Variants in NPTN observed in about 807,000 individuals in gnomAD.
The protein encoded by NPTN is neuroplastin, also known as SDR-1.
Under a neutral mutation model 42.7 loss-of-function variants are expected in NPTN, and 5 were observed. The observed-to-expected ratio is 0.12, with a 90% CI of 0.06 to 0.25. The LOEUF (loss-of-function observed/expected upper bound fraction) is 0.25, where lower values mean the gene tolerates loss of function less well. NPTN is among the 10% of genes least tolerant of loss of function. The pLI, the probability that NPTN is intolerant of heterozygous loss-of-function variation, is 1.00. For missense variants in NPTN, 307 were observed against 525.4 expected (o/e 0.58, Z 4.06); for synonymous variants, 180 against 201.9 (o/e 0.89, Z 0.92).
intron 5 of NPTN, among the ~76,000 whole-genome samples, chr15:73,571,891 C>G (rs1348800468): frequency 6.6e-6 from 1 of 152,166 alleles, no homozygotes; most frequent in South Asian, 2.1e-4. Context: ...GTCTGTGATG[C>G]CTCAAGCTTC....
Position 73,560,017 on chromosome 15 carries a change from C to A in NPTN, c.*1046G>T. The A allele has an allele frequency of 9.0e-7, 1 of 1,109,870 alleles. No homozygotes were observed. The allele number at this position is 1,109,870 out of a possible 1,614,324, so 68.8% of individuals were successfully genotyped here. On this transcript the variant is annotated 3_prime_UTR_variant, in exon 9 of 9. Coordinates refer to ENST00000345330, the MANE Select transcript of NPTN (RefSeq NM_012428.4). ...AGAATAAAGAGTATTATCCAAACAC[C>A]TTTTATCAATGTTTTATTTTTAAAA...
intron 1 of NPTN, among the ~76,000 whole-genome samples, chr15:73,623,631 G>C (rs905127883): frequency 1.3e-5 from 2 of 152,212 alleles, no homozygotes; most frequent in Non-Finnish European, 1.5e-5. Flanking sequence ...ATGCTGCAGT[G>C]AGTAATGATC....
intron 1 of NPTN, among the ~76,000 whole-genome samples, chr15:73,612,011 T>C (rs1459194036): frequency 6.6e-6 from 1 of 152,184 alleles, no homozygotes; most frequent in Non-Finnish European, 1.5e-5. Context: ...GCATATCTGA[T>C]TGGAATTTTT....
chr15:73,563,425 G>A, intron 6 of NPTN, 168 bp from the exon 7 acceptor site: 1 of 1,402,314 alleles, frequency 7.1e-7, no homozygotes, highest in South Asian at 1.6e-5. Flanking sequence ...AACACTCATG[G>A]AGTTATTATT....
intron 1 of NPTN, among the ~76,000 whole-genome samples, chr15:73,619,997 G>A (rs1251826493): frequency 3.3e-5 from 5 of 152,160 alleles, no homozygotes; most frequent in African/African-American, 9.7e-5. Flanking sequence ...GAAAACAGAG[G>A]CTAAGAGAGA....
intron 1 of NPTN, among the ~76,000 whole-genome samples, chr15:73,613,876 G>A (rs1182760099): frequency 4.6e-5 from 7 of 152,000 alleles, no homozygotes; most frequent in East Asian, 3.9e-4. Context: ...AGTAGAGACA[G>A]GGTTTCACCA....
At chr15:73,564,966 G>A (rs541555680) in intron 6 of NPTN, among the ~76,000 whole-genome samples, 2 of 152,338 alleles carry the variant, frequency 1.3e-5, no homozygotes, top group Middle Eastern at 3.4e-3. Context: ...TTCAAAGCAT[G>A]ACACTGTAGG....
intron 1 of NPTN, among the ~76,000 whole-genome samples, chr15:73,610,397 C>CT (rs1044413525): frequency 2.6e-5 from 4 of 152,186 alleles, no homozygotes; most frequent in Non-Finnish European, 4.4e-5. Context: ...TACTGGCCTA[C>CT]TTTTTACTTC....
At chr15:73,612,151 T>C (rs188459733) in intron 1 of NPTN, among the ~76,000 whole-genome samples, 1 of 152,250 alleles carries the variant, frequency 6.6e-6, no homozygotes, top group African/African-American at 2.4e-5. Context: ...TTGGGCCTAG[T>C]GGCTCATGCT....
chr15:73,611,238 T>C (rs16958071), intron 1 of NPTN, among the ~76,000 whole-genome samples: 2 of 152,146 alleles, frequency 1.3e-5, no homozygotes, highest in African/African-American at 2.4e-5. Context: ...GCAATTTCAC[T>C]CCCATTAAAT....
chr15:73,587,930 A>C (rs1331280279), intron 3 of NPTN, among the ~76,000 whole-genome samples: 1 of 152,236 alleles, frequency 6.6e-6, no homozygotes, highest in African/African-American at 2.4e-5. Context: ...ACTATAGTTT[A>C]TATTCAGATA....
chr15:73,572,261 GGATTAATGATCTTTAA>G (rs1355669169), intron 5 of NPTN, among the ~76,000 whole-genome samples: 1 of 152,150 alleles, frequency 6.6e-6, no homozygotes, highest in African/African-American at 2.4e-5. Context: ...CAAAGAAGAT[GGATTAATGATCTTTAA>G]GGTCCTTTTG....
chr15:73,621,871 C>A (rs752815862), intron 1 of NPTN, among the ~76,000 whole-genome samples: 5 of 152,064 alleles, frequency 3.3e-5, no homozygotes, highest in Admixed American at 6.6e-5. Context: ...TTCCACTGTT[C>A]GAGTCCTCTT....
At chr15:73,624,499 A>G (rs545667704) in intron 1 of NPTN, among the ~76,000 whole-genome samples, 81 of 152,364 alleles carry the variant, frequency 5.3e-4, no homozygotes, top group Admixed American at 1.1e-3. Context: ...CCCAAGTTAA[A>G]TTTAACACAT....
chr15:73,569,952 A>C lies in NPTN; in HGVS notation c.1114+198T>G. On this transcript the variant is annotated intron_variant, in intron 6 of 8. Transcript: ENST00000345330. This position sits in a 1 kb window ranked among gnomAD's most constrained non-coding sequence, Gnocchi z 4.1. ...GGACAGCTCTAGATGGCTAATGCAA[A>C]AAAAATAAAAATAAAATAAAAATAA... 1 of 404,810 alleles carries C rather than the reference A, an allele frequency of 2.5e-6. No individual in the cohort carries two copies. Among genetic ancestry groups the C allele is most frequent in the South Asian group, 1.0e-4 (1 of 9,652 alleles). The allele number at this position is 404,810 out of a possible 1,614,324, so 25.1% of individuals were successfully genotyped here.
Position 73,629,851 on chromosome 15 carries a change from A to G in NPTN, c.91+3274T>C, listed in dbSNP as rs147598063. Among the ~76,000 whole-genome samples the G allele has an allele frequency of 2.8e-4, 43 of 152,188 alleles. 1 individual carries two copies. In the South Asian group the frequency reaches 3.1e-3, roughly 11 times the overall value. ...GATTTGGTTCACAGAAAAAAAAGAA[A>G]AAAAAAAGCCATAAAGTCTCTCCCA... is the stretch of plus-strand genomic sequence containing the variant. On this transcript the variant is annotated intron_variant, in intron 1 of 8. Coordinates refer to ENST00000345330, the MANE Select transcript of NPTN (RefSeq NM_012428.4).
At chr15:73,612,190 A>G (rs1263503759) in intron 1 of NPTN, among the ~76,000 whole-genome samples, 1 of 152,100 alleles carries the variant, frequency 6.6e-6, no homozygotes, top group African/African-American at 2.4e-5. Context: ...AGGCCAAGGC[A>G]GGAGGATCGC....
At chr15:73,589,053 C>G (rs1896461727) in intron 3 of NPTN, among the ~76,000 whole-genome samples, 1 of 152,068 alleles carries the variant, frequency 6.6e-6, no homozygotes. Context: ...GTGTATGGGT[C>G]AGGCGTGGTG....
At chr15:73,594,069 A>C (rs1046069572) in intron 2 of NPTN, among the ~76,000 whole-genome samples, 1 of 152,196 alleles carries the variant, frequency 6.6e-6, no homozygotes, top group African/African-American at 2.4e-5. Flanking sequence ...AAAAGATAGA[A>C]CCAGTACTCC....
Sources: allele counts gnomAD v4.1 joint callset (sites outside exome capture counted in the v4.1 genomes callset), GRCh38; gene constraint gnomAD v4.1.1; non-coding constraint Gnocchi (gnomAD v3.1); transcripts MANE v1.5; gene names NCBI Gene and HGNC (gene_info 2026-07-23, HGNC 2026-07-21).